PTPN4: variants seen among roughly 807,000 people sequenced by gnomAD.
PTPN4 encodes the protein tyrosine-protein phosphatase non-receptor type 4.
Under a neutral mutation model 135.5 loss-of-function variants are expected in PTPN4, and 49 were observed. The observed-to-expected ratio is 0.36, with a 90% CI of 0.29 to 0.46. The LOEUF is 0.46. PTPN4 is among the 20% of genes least tolerant of loss of function. PTPN4 has a pLI of 1.00. For missense variants in PTPN4, 860 were observed against 1,101.0 expected, an observed-to-expected ratio of 0.78 and a Z score of 3.10; for synonymous variants, 333 against 369.9, an observed-to-expected ratio of 0.90 and a Z score of 1.14.
intron 1 of PTPN4, among the ~76,000 whole-genome samples, chr2:119,806,146 G>A (rs564586322): frequency 5.6e-4 from 85 of 152,150 alleles, no homozygotes; most frequent in Non-Finnish European, 1.0e-3. Context: ...AAAGACCATC[G>A]ATGCTAGGAA....
chr2:119,781,763 C>T (rs1982669), intron 1 of PTPN4, among the ~76,000 whole-genome samples: 41,223 of 152,078 alleles, frequency 0.27, 5,671 homozygotes, highest in South Asian at 0.33. Context: ...CATACTCATT[C>T]GTTTACATAT....
intron 9 of PTPN4, among the ~76,000 whole-genome samples, chr2:119,898,627 G>T (rs1385422837): frequency 6.6e-6 from 1 of 152,018 alleles, no homozygotes; most frequent in Non-Finnish European, 1.5e-5. Flanking sequence ...TTATTTATTA[G>T]ATTTATAGTA....
At chr2:119,881,955 T>C in intron 6 of PTPN4, 125 bp downstream of exon 6, 1 of 1,049,672 alleles carries the variant, frequency 9.5e-7, no homozygotes, top group Non-Finnish European at 1.4e-6. Context: ...GTAGTGTGAA[T>C]TCCTTTCATC....
At chr2:119,910,103 GA>G (rs1678548421) in intron 10 of PTPN4, among the ~76,000 whole-genome samples, 1 of 152,094 alleles carries the variant, frequency 6.6e-6, no homozygotes, top group Non-Finnish European at 1.5e-5. Flanking sequence ...TGTTTTGAAA[GA>G]AGTTCTAGTG....
At chr2:119,941,326 T>C (rs192241096) in intron 15 of PTPN4, among the ~76,000 whole-genome samples, 25 of 152,228 alleles carry the variant, frequency 1.6e-4, no homozygotes, top group African/African-American at 5.5e-4. Context: ...AGTATGTCTT[T>C]TAAAAAATGT....
At chr2:119,969,771 G>T (rs1403289370) in intron 26 of PTPN4, among the ~76,000 whole-genome samples, 1 of 151,896 alleles carries the variant, frequency 6.6e-6, no homozygotes, top group African/African-American at 2.4e-5. Context: ...TGTTAGCCAG[G>T]ATGGTCTAGA....
intron 15 of PTPN4, among the ~76,000 whole-genome samples, chr2:119,943,151 G>A (rs1411632896): frequency 6.6e-6 from 1 of 152,142 alleles, no homozygotes; most frequent in Non-Finnish European, 1.5e-5. Context: ...ATCTCTCCTA[G>A]GAGAAACTTC....
At chr2:119,961,256 A>G (rs189996515) in intron 23 of PTPN4, among the ~76,000 whole-genome samples, 91 of 152,258 alleles carry the variant, frequency 6.0e-4, no homozygotes, top group Non-Finnish European at 8.8e-4. Context: ...CAATTTAAAA[A>G]TGGGCAATGG....
chr2:119,789,472 TG>T (rs1691102005), intron 1 of PTPN4, among the ~76,000 whole-genome samples: 1 of 152,240 alleles, frequency 6.6e-6, no homozygotes, highest in Non-Finnish European at 1.5e-5. Flanking sequence ...CCCGTGCTAT[TG>T]GTGTCATATA....
rs1355388435 is a variant in PTPN4 at position 119,983,097 on chromosome 2, T to G, written c.*6027T>G. The stretch of plus-strand genomic sequence containing the variant: ...AAAAATCACTAATTTAACTCTTTGT[T>G]AAGTACTCAAGTACAAAGTGATCTC... On this transcript the variant is annotated 3_prime_UTR_variant, in exon 27 of 27. Transcript: ENST00000263708. The G allele has an allele frequency of 2.0e-5, 3 of 152,236 alleles. No individual in the cohort carries two copies. The highest frequency in any genetic ancestry group is 7.2e-5 in the African/African-American group (3 of 41,456). The allele number at this position is 152,236 out of a possible 1,614,324, so 9.4% of individuals were successfully genotyped here. A position where few individuals can be genotyped will look rare whatever the true frequency, so the allele number is the denominator to read the frequency against.
chr2:119,925,185 T>A (rs888797249), intron 12 of PTPN4, among the ~76,000 whole-genome samples: 2 of 152,166 alleles, frequency 1.3e-5, no homozygotes, highest in Non-Finnish European at 2.9e-5. Context: ...CCTATCCCCA[T>A]GACTATTAAA....
chr2:119,906,408 C>T (rs570167158), intron 10 of PTPN4, among the ~76,000 whole-genome samples: 2 of 152,180 alleles, frequency 1.3e-5, no homozygotes, highest in East Asian at 1.9e-4. Context: ...CAACAGAATA[C>T]TAGCAAAGCA....
intron 1 of PTPN4, among the ~76,000 whole-genome samples, chr2:119,770,116 G>T (rs1289698856): frequency 2.0e-5 from 3 of 152,186 alleles, no homozygotes; most frequent in Non-Finnish European, 4.4e-5. Flanking sequence ...TTGAGCACCA[G>T]CTAGGTACTA....
At chr2:119,971,462 A>G (rs1053615480) in intron 26 of PTPN4, among the ~76,000 whole-genome samples, 21 of 152,198 alleles carry the variant, frequency 1.4e-4, no homozygotes, top group African/African-American at 4.6e-4. Context: ...ATAATTAGCT[A>G]TTTATTTGTA....
chr2:119,811,601 A>C (rs1676877642), intron 2 of PTPN4, among the ~76,000 whole-genome samples: 1 of 152,208 alleles, frequency 6.6e-6, no homozygotes. Flanking sequence ...TGATGTAAGA[A>C]AATAAGCCTT....
At chr2:119,966,943 T>A (rs1053018517) in intron 25 of PTPN4, among the ~76,000 whole-genome samples, 5 of 152,238 alleles carry the variant, frequency 3.3e-5, no homozygotes, top group Non-Finnish European at 7.3e-5. Flanking sequence ...GAGGATATCT[T>A]GAGGTATCTC....
chr2:119,888,319 C>G (rs1376934809), intron 9 of PTPN4, among the ~76,000 whole-genome samples: 1 of 152,016 alleles, frequency 6.6e-6, no homozygotes, highest in Non-Finnish European at 1.5e-5. Flanking sequence ...TCCTCTTTCC[C>G]AATTTGGATA....
chr2:119,871,981 A>T (rs1677916909), intron 3 of PTPN4, among the ~76,000 whole-genome samples: 1 of 152,200 alleles, frequency 6.6e-6, no homozygotes, highest in South Asian at 2.1e-4. Flanking sequence ...ACCTGATTTT[A>T]TAATAAAATG....
At chr2:119,810,051 T>A in intron 2 of PTPN4, 60 bp downstream of exon 2, 1 of 1,496,896 alleles carries the variant, frequency 6.7e-7, no homozygotes, top group Non-Finnish European at 9.0e-7. Flanking sequence ...TTTAGACATA[T>A]ATGTAAACTA....
Sources: gnomAD v4.1 joint callset for allele counts (sites outside exome capture counted in the v4.1 genomes callset) on GRCh38, gnomAD v4.1.1 for gene constraint, MANE v1.5 for transcripts, NCBI Gene and HGNC (gene_info 2026-07-23, HGNC 2026-07-21) for gene names.